Variants in RFX3 observed in about 807,000 individuals in gnomAD.
RFX3 encodes transcription factor RFX3.
RFX3 carries 14 observed loss-of-function variants against 98.6 expected under a neutral mutation model. The observed-to-expected ratio is 0.14, with a 90% CI of 0.09 to 0.22. The LOEUF (loss-of-function observed/expected upper bound fraction) is 0.22, where lower values mean the gene tolerates loss of function less well. RFX3 is among the 10% of genes least tolerant of loss of function. The pLI is 1.00. For synonymous variants in RFX3, 383 were observed against 328.4 expected, an observed-to-expected ratio of 1.17 and a Z score of -1.80; for missense variants, 639 against 926.9, an observed-to-expected ratio of 0.69 and a Z score of 4.03.
chr9:3,382,028 A>C (rs1839243388), intron 2 of RFX3, among the ~76,000 whole-genome samples: 1 of 152,110 alleles, frequency 6.6e-6, no homozygotes, highest in Non-Finnish European at 1.5e-5. Flanking sequence ...ATGTTAGGTG[A>C]AAAACAGACT....
chr9:3,396,306 T>C (rs1024606873), intron 1 of RFX3, among the ~76,000 whole-genome samples: 1 of 152,148 alleles, frequency 6.6e-6, no homozygotes, highest in African/African-American at 2.4e-5. Context: ...TTTTTTGTCC[T>C]TGCAATAGTT....
At chr9:3,252,257 C>A (rs948927202) in intron 14 of RFX3, among the ~76,000 whole-genome samples, 4 of 152,106 alleles carry the variant, frequency 2.6e-5, no homozygotes, top group Admixed American at 6.5e-5. Flanking sequence ...TCCTACTCTG[C>A]GGCAGGGTCT....
rs554634156 is a variant in RFX3, at chr9:3,474,765, G to C, written c.-9+50982C>G. Among the ~76,000 whole-genome samples the C allele has an allele frequency of 2.6e-5, 4 of 152,232 alleles. No individual in the cohort carries two copies. In the East Asian group the frequency reaches 7.7e-4, roughly 29 times the overall value. Reference sequence around the variant, plus strand: ...ACAGGTTTGCAACAATACACCATTAGAACCCTAATCAATCTAAATGTCTGT... The same window carrying C: ...ACAGGTTTGCAACAATACACCATTACAACCCTAATCAATCTAAATGTCTGT... On this transcript the variant is annotated intron_variant, in intron 1 of 16. Coordinates refer to ENST00000617270, the MANE Select transcript of RFX3 (RefSeq NM_001282116.2).
intron 1 of RFX3, among the ~76,000 whole-genome samples, chr9:3,500,669 A>T (rs1354344642): frequency 6.6e-6 from 1 of 152,178 alleles, no homozygotes; most frequent in Admixed American, 6.5e-5. Context: ...TTTAAAAGTA[A>T]TTAAAATTGA....
At chr9:3,241,370 C>A (rs758331052) in intron 15 of RFX3, among the ~76,000 whole-genome samples, 50 of 152,030 alleles carry the variant, frequency 3.3e-4, no homozygotes, top group Non-Finnish European at 4.0e-4. Context: ...GTTTAGATCA[C>A]AGTTATAAGC....
intron 2 of RFX3, among the ~76,000 whole-genome samples, chr9:3,387,075 C>A (rs1304506748): frequency 1.3e-5 from 2 of 152,108 alleles, no homozygotes; most frequent in Admixed American, 1.3e-4. Flanking sequence ...CAGAGATACC[C>A]TCTTCCAGTT....
At position 3,220,989 on chromosome 9, in the gene RFX3, T is replaced by C. The variant is rs1212899571; in HGVS notation, c.*4053A>G. ...CTCCCCCATGATCTGCTGTGATTCA[T>C]ACAGATCACAAAAGTTCTCATCTCA... On this transcript the variant is annotated 3_prime_UTR_variant, in exon 17 of 17. Transcript: ENST00000617270. 6.6e-6 allele frequency: 1 copy of C among 152,176 alleles called. No individual in the cohort carries two copies. Among genetic ancestry groups the C allele is most frequent in the Non-Finnish European group, 1.5e-5 (1 of 68,022 alleles). 9.4% of individuals were successfully genotyped at this position (152,176 alleles called of 1,614,324 possible).
At chr9:3,335,796 T>C (rs1271311934) in intron 3 of RFX3, among the ~76,000 whole-genome samples, 1 of 152,194 alleles carries the variant, frequency 6.6e-6, no homozygotes, top group Non-Finnish European at 1.5e-5. Context: ...ATTATAAGGT[T>C]CTATGTAAAT....
chr9:3,390,786 C>T (rs1241779861), intron 2 of RFX3, among the ~76,000 whole-genome samples: 3 of 152,128 alleles, frequency 2.0e-5, no homozygotes, highest in African/African-American at 7.2e-5. Flanking sequence ...GATTGTGAGG[C>T]CTCCCCAGCC....
At chr9:3,420,840 T>C (rs1228741413) in intron 1 of RFX3, 1 of 985,124 alleles carries the variant, frequency 1.0e-6, no homozygotes, top group Admixed American at 6.1e-5. Flanking sequence ...TCAGAAAGCA[T>C]TCTGTCCATT....
chr9:3,278,964 T>C (rs1432076405), intron 7 of RFX3, among the ~76,000 whole-genome samples: 3 of 151,870 alleles, frequency 2.0e-5, no homozygotes, highest in Non-Finnish European at 4.4e-5. Context: ...TTTTACTTAA[T>C]GGAAAAACCT....
intron 1 of RFX3, among the ~76,000 whole-genome samples, chr9:3,481,001 T>C (rs930184705): frequency 6.6e-6 from 1 of 152,202 alleles, no homozygotes; most frequent in African/African-American, 2.4e-5. Context: ...AGCAATATTA[T>C]ATATAATAGC....
At chr9:3,231,555 G>A (rs111607114) in intron 15 of RFX3, among the ~76,000 whole-genome samples, 67 of 152,200 alleles carry the variant, frequency 4.4e-4, no homozygotes, top group African/African-American at 1.5e-3. Flanking sequence ...TAGGTTAGCA[G>A]AAAAATGAGC....
intron 2 of RFX3, among the ~76,000 whole-genome samples, chr9:3,354,916 A>C (rs1268283273): frequency 6.6e-6 from 1 of 151,860 alleles, no homozygotes; most frequent in African/African-American, 2.4e-5. Flanking sequence ...AACAATGCCT[A>C]GTGGGGCTTA....
At chr9:3,231,555 G>T (rs111607114) in intron 15 of RFX3, among the ~76,000 whole-genome samples, 1 of 152,082 alleles carries the variant, frequency 6.6e-6, no homozygotes, top group African/African-American at 2.4e-5. Flanking sequence ...TAGGTTAGCA[G>T]AAAAATGAGC....
chr9:3,268,426 A>G (rs1234063908), intron 11 of RFX3, among the ~76,000 whole-genome samples: 1 of 151,748 alleles, frequency 6.6e-6, no homozygotes, highest in African/African-American at 2.4e-5. Context: ...ACTCTATTCC[A>G]AAGCTGACTT....
intron 2 of RFX3, among the ~76,000 whole-genome samples, chr9:3,367,816 T>A (rs892314396): frequency 1.3e-5 from 2 of 152,216 alleles, no homozygotes; most frequent in Non-Finnish European, 2.9e-5. Context: ...AAAGTTCGAA[T>A]AGTTAAGTTA....
chr9:3,410,158 A>T (rs1292978246), intron 1 of RFX3, among the ~76,000 whole-genome samples: 2 of 43,566 alleles, frequency 4.6e-5, no homozygotes, highest in African/African-American at 7.2e-5. Flanking sequence ...CAAGTGAGAT[A>T]AACTGTGTGT....
rs939155001 is a variant in RFX3 at position 3,288,192 on chromosome 9, G to A, written c.790C>T (p.Arg264Cys). 9 of 1,611,684 alleles carry A rather than the reference G, an allele frequency of 5.6e-6. No individual in the cohort carries two copies. Among genetic ancestry groups the A allele is most frequent in the Admixed American group, 3.3e-5 (2 of 59,944 alleles). ...ATATACTGCATGTCTTCTTGCAGACGATTAAGAGGGGAATCTGGCTTGACA... is the reference window on the plus strand; with the variant it reads ...ATATACTGCATGTCTTCTTGCAGACAATTAAGAGGGGAATCTGGCTTGACA... ...IRVKPDSPLN[R>C]LQEDMQYMAM... Residue 264 changes from arginine (R) to cysteine (C), a missense_variant, in exon 7 of 17, where the codon CGT becomes TGT. Around this residue, in one of 9 missense-constraint regions of RFX3, gnomAD observed 86 missense variants for 113.2 expected, o/e 0.76. Transcript: ENST00000617270.
Sources: gnomAD v4.1 joint callset for allele counts (sites outside exome capture counted in the v4.1 genomes callset) on GRCh38, gnomAD v4.1.1 for gene constraint, gnomAD v4.1.1 regional missense constraint, MANE v1.5 for transcripts, NCBI Gene and HGNC (gene_info 2026-07-23, HGNC 2026-07-21) for gene names.